DNAH5: variants seen among roughly 807,000 people sequenced by gnomAD.
DNAH5 encodes the protein dynein axonemal heavy chain 5.
Under a neutral mutation model 518.2 loss-of-function variants are expected in DNAH5, and 372 were observed. The ratio of observed to expected loss-of-function variants is 0.72; its 90% confidence interval spans 0.66 to 0.78. The LOEUF is 0.78. DNAH5 is among the 30% of genes least tolerant of loss of function. The pLI, the probability that DNAH5 is intolerant of heterozygous loss-of-function variation, is 0.00. For missense variants in DNAH5, 5,523 were observed against 5,687.0 expected, an observed-to-expected ratio of 0.97 and a Z score of 0.93; for synonymous variants, 2,039 against 2,025.9, an observed-to-expected ratio of 1.01 and a Z score of -0.17.
intron 46 of DNAH5, among the ~76,000 whole-genome samples, chr5:13,808,277 C>T (rs909076096): frequency 6.7e-6 from 1 of 149,082 alleles, no homozygotes; most frequent in African/African-American, 2.5e-5. Context: ...AAAGAAACAC[C>T]ATGGGAAGAA....
intron 11 of DNAH5, among the ~76,000 whole-genome samples, chr5:13,911,714 G>A (rs1410153836): frequency 6.6e-6 from 1 of 152,078 alleles, no homozygotes; most frequent in African/African-American, 2.4e-5. Context: ...GTATTTTCAT[G>A]ATGTTTTATG....
rs555878491 is a variant in DNAH5, at chr5:13,756,804, G to C, written c.10419+2042C>G. On this transcript the variant is annotated intron_variant, in intron 61 of 78. Coordinates refer to ENST00000265104, the MANE Select transcript of DNAH5 (RefSeq NM_001369.3). ...GTTGTGAAGATTTTTTCATCACCCA[G>C]GTATTAAGCCTAGTACTTGTCAGTT... is the stretch of plus-strand genomic sequence containing the variant. 1.6e-4 allele frequency among the ~76,000 whole-genome samples: 25 copies of C among 152,244 alleles called. No individual in the cohort carries two copies. The East Asian group carries it at 3.5e-3, about 21-fold the overall frequency.
chr5:13,701,449 C>T lies in DNAH5; in HGVS notation c.13339-13G>A. On this transcript the variant is annotated splice_polypyrimidine_tract_variant and intron_variant, in intron 76 of 78. Coordinates refer to ENST00000265104, the MANE Select transcript of DNAH5 (RefSeq NM_001369.3). ...AAATCCAAGAAGCCTGCAATGAAGA[C>T]ATTAAAACAATTAATTGATGTAAGT... is the stretch of plus-strand genomic sequence containing the variant. The T allele has an allele frequency of 6.2e-7, 1 of 1,601,638 alleles. No individual in the cohort carries two copies. Among genetic ancestry groups the T allele is most frequent in the Non-Finnish European group, 8.5e-7 (1 of 1,169,770 alleles).
rs1744043431 is a variant in DNAH5 at position 13,714,603 on chromosome 5, G to A, written c.12927C>T (p.Asp4309=). The change falls in exon 75 of 79, where the codon GAC becomes GAT. Residue 4309 remains aspartate (D), a synonymous_variant. Transcript: ENST00000265104. ...GGTGCAGCCCAAACACCTCAGGGCT[G>A]TCATAGGCAGGCAAACTCTGAACAA... ...LQYIQSLPAY[D]SPEVFGLHPN... 1 of 1,613,940 alleles carries A rather than the reference G, an allele frequency of 6.2e-7. No individual in the cohort carries two copies. Among genetic ancestry groups the A allele is most frequent in the African/African-American group, 1.3e-5 (1 of 74,940 alleles).
Position 13,721,181 on chromosome 5 carries a change from T to C in DNAH5, c.12098A>G (p.Glu4033Gly). ...TGGATCAGATTCCTCCCACGTCTTC[T>C]CCAAGTCTAAAATAACACCTTCGGC... Reference protein sequence around the residue: ...KYAEGVILDLEKTWEESDPRT... With the variant: ...KYAEGVILDLGKTWEESDPRT... The change falls in exon 71 of 79, where the codon GAG becomes GGG. Residue 4033 changes from glutamate to glycine, a missense_variant. Physicochemically the swap from Glu to Gly is moderately conservative, Grantham distance 98. Coordinates refer to ENST00000265104, the MANE Select transcript of DNAH5 (RefSeq NM_001369.3). The C allele has an allele frequency of 1.9e-6, 3 of 1,614,074 alleles. No individual in the cohort carries two copies. In the South Asian group the frequency reaches 3.3e-5, roughly 18 times the overall value.
At chr5:13,744,678 A>C (rs1210289555) in intron 65 of DNAH5, among the ~76,000 whole-genome samples, 3 of 152,112 alleles carry the variant, frequency 2.0e-5, no homozygotes, top group Non-Finnish European at 4.4e-5. Flanking sequence ...AATTTCGTGA[A>C]CATAGCATTT....
intron 51 of DNAH5, 28 bp from the exon 52 acceptor site, chr5:13,786,379 G>C (rs372803869): frequency 6.2e-7 from 1 of 1,610,192 alleles, no homozygotes; most frequent in African/African-American, 1.3e-5. Flanking sequence ...AATCAGTTAA[G>C]TTTCTGCAAA....
At chr5:13,983,570 T>G (rs1782832602) in intron 1 of DNAH5, among the ~76,000 whole-genome samples, 1 of 152,064 alleles carries the variant, frequency 6.6e-6, no homozygotes, top group Non-Finnish European at 1.5e-5. Context: ...ACAGGCAAGG[T>G]AGGATAAGCA....
chr5:13,778,042 C>A (rs7730514), intron 53 of DNAH5, among the ~76,000 whole-genome samples: 49,577 of 151,940 alleles, frequency 0.33, 8,314 homozygotes, highest in Non-Finnish European at 0.37. Context: ...ATAAAATTAT[C>A]CCAATTCTGG....
intron 38 of DNAH5, among the ~76,000 whole-genome samples, chr5:13,827,281 G>C (rs897882849): frequency 7.9e-5 from 12 of 152,032 alleles, no homozygotes; most frequent in African/African-American, 2.9e-4. Flanking sequence ...ATTTGCGTAA[G>C]TAATGAGGAT....
chr5:13,985,663 C>T (rs551207110), intron 1 of DNAH5, among the ~76,000 whole-genome samples: 1 of 151,986 alleles, frequency 6.6e-6, no homozygotes, highest in African/African-American at 2.4e-5. Context: ...AAGCATATAC[C>T]CCTGGCAAAA....
chr5:13,898,648 T>C (rs1774202037), intron 15 of DNAH5: 1 of 398,464 alleles, frequency 2.5e-6, no homozygotes, highest in Non-Finnish European at 4.4e-6. Context: ...AATAAAATAA[T>C]AGTATTCTGT....
At chr5:13,809,484 T>C (rs374865766) in intron 45 of DNAH5, among the ~76,000 whole-genome samples, 208 of 152,150 alleles carry the variant, frequency 1.4e-3, no homozygotes, top group African/African-American at 4.7e-3. Context: ...AGAGTGAGAG[T>C]AGTGTGTATC....
At position 13,891,074 on chromosome 5, in the gene DNAH5, G is replaced by T. The variant is rs760986984; in HGVS notation, c.2479C>A (p.Arg827Ser). ...LDRVNDLIEF[R>S]IDAILEEMSS... Reference sequence around the variant, plus strand: ...ATTTCTTCTAGAATGGCATCAATGCGGAACTCAATCAAATCATTGACCCTG... The same window carrying T: ...ATTTCTTCTAGAATGGCATCAATGCTGAACTCAATCAAATCATTGACCCTG... Residue 827 changes from arginine to serine, a missense_variant, in exon 17 of 79, where the codon CGC (arginine) becomes AGC (serine). Arg to Ser is a moderately radical substitution (Grantham distance 110). This residue lies in a region of DNAH5 where 5,121 missense variants were observed against 5,223.3 expected (regional missense o/e 0.98). Transcript: ENST00000265104. 6.2e-7 allele frequency: 1 copy of T among 1,614,066 alleles called. No individual in the cohort carries two copies. Among genetic ancestry groups the T allele is most frequent in the Non-Finnish European group, 8.5e-7 (1 of 1,179,976 alleles).
chr5:13,996,354 TTC>T (rs1441271791), intron 1 of DNAH5, among the ~76,000 whole-genome samples: 1 of 152,114 alleles, frequency 6.6e-6, no homozygotes, highest in African/African-American at 2.4e-5. Context: ...ACAGAATACA[TTC>T]ATTCCATCCC....
At chr5:13,964,257 G>A (rs943318738) in intron 1 of DNAH5, among the ~76,000 whole-genome samples, 8 of 152,124 alleles carry the variant, frequency 5.3e-5, no homozygotes, top group Non-Finnish European at 1.2e-4. Flanking sequence ...ACATTGCAAG[G>A]ACTGAGCACC....
chr5:13,874,753 A>C (rs576625262), intron 22 of DNAH5, among the ~76,000 whole-genome samples: 56 of 152,274 alleles, frequency 3.7e-4, no homozygotes, highest in Non-Finnish European at 7.5e-4. Flanking sequence ...CCCAGCCTCA[A>C]GTGATCCCCC....
chr5:13,841,337 T>C (rs973534520), intron 33 of DNAH5, among the ~76,000 whole-genome samples: 1 of 152,254 alleles, frequency 6.6e-6, no homozygotes, highest in Non-Finnish European at 1.5e-5. Context: ...CATTGTTTCC[T>C]GTATTTTAAT....
chr5:13,873,159 CAAAG>C (rs369827159), intron 22 of DNAH5, among the ~76,000 whole-genome samples: 8 of 152,156 alleles, frequency 5.3e-5, no homozygotes, highest in African/African-American at 1.9e-4. Context: ...GAAAGAACAA[CAAAG>C]AAAGAATGTT....
Sources: allele counts gnomAD v4.1 joint callset (sites outside exome capture counted in the v4.1 genomes callset), GRCh38; gene constraint gnomAD v4.1.1; regional missense constraint gnomAD v4.1.1; transcripts MANE v1.5; gene names NCBI Gene and HGNC (gene_info 2026-07-23, HGNC 2026-07-21).